Variants in STAT3 observed in about 807,000 individuals in gnomAD.
STAT3 encodes signal transducer and activator of transcription 3.
A neutral mutation model predicts 114.3 loss-of-function variants in STAT3; 7 were observed. The observed-to-expected ratio is 0.06, with a 90% CI of 0.03 to 0.11. The LOEUF is 0.11. Ranked by LOEUF, STAT3 falls within the 10% of genes least tolerant of loss-of-function variation. STAT3 has a pLI of 1.00. For synonymous variants in STAT3, 331 were observed against 354.5 expected, an observed-to-expected ratio of 0.93 and a Z score of 0.74; for missense variants, 364 against 960.9, an observed-to-expected ratio of 0.38 and a Z score of 8.21.
At chr17:42,316,646 T>A in intron 23 of STAT3, 143 bp downstream of exon 23, 1 of 1,539,586 alleles carries the variant, frequency 6.5e-7, no homozygotes, top group East Asian at 2.4e-5. Flanking sequence ...ACATGTGGCA[T>A]TCATACCATC....
At chr17:42,360,162 G>A (rs192802780) in intron 1 of STAT3, among the ~76,000 whole-genome samples, 1 of 151,372 alleles carries the variant, frequency 6.6e-6, no homozygotes, top group African/African-American at 2.4e-5. Flanking sequence ...GTCTGTTTTC[G>A]GAATGTCTGT....
rs1166702052 is a variant in STAT3, at chr17:42,331,546, A to T, written c.1050-15T>A. The stretch of plus-strand genomic sequence containing the variant: ...TGACCAGCAACCTATTTAAAAAGAA[A>T]AAATCCAAGGAAAAAAAGTCAGTAA... On this transcript the variant is annotated splice_polypyrimidine_tract_variant and intron_variant, in intron 10 of 23. Transcript: ENST00000264657. 1.9e-6 allele frequency: 3 copies of T among 1,611,664 alleles called. No individual in the cohort carries two copies. Among genetic ancestry groups the T allele is most frequent in the Non-Finnish European group, 2.5e-6 (3 of 1,178,108 alleles).
chr17:42,368,740 T>A (rs560808853), intron 1 of STAT3, among the ~76,000 whole-genome samples: 1 of 152,124 alleles, frequency 6.6e-6, no homozygotes, highest in African/African-American at 2.4e-5. Context: ...GCCTTTTTTT[T>A]TTTTTTTAAC....
chr17:42,375,943 G>A (rs1166482949), intron 1 of STAT3, among the ~76,000 whole-genome samples: 1 of 152,040 alleles, frequency 6.6e-6, no homozygotes, highest in Non-Finnish European at 1.5e-5. Flanking sequence ...ATGAGGTCAG[G>A]AGTTCAAGAT....
At chr17:42,345,717 A>C (rs1245035421) in intron 3 of STAT3, 60 bp from the exon 4 acceptor site, 3 of 1,431,284 alleles carry the variant, frequency 2.1e-6, no homozygotes, top group Non-Finnish European at 2.9e-6. Flanking sequence ...TGTGGACTGA[A>C]CTGTGGCACC....
chr17:42,364,876 T>C (rs2083694598), intron 1 of STAT3, among the ~76,000 whole-genome samples: 1 of 152,222 alleles, frequency 6.6e-6, no homozygotes, highest in Non-Finnish European at 1.5e-5. Context: ...GATTCTTTTC[T>C]CAAATTTATT....
chr17:42,353,501 C>G (rs1366902829), intron 1 of STAT3, among the ~76,000 whole-genome samples: 1 of 151,730 alleles, frequency 6.6e-6, no homozygotes, highest in Non-Finnish European at 1.5e-5. Flanking sequence ...CGGTGGTTCT[C>G]CTAAAAAAAA....
intron 1 of STAT3, among the ~76,000 whole-genome samples, chr17:42,349,955 T>A (rs916786485): frequency 4.6e-5 from 7 of 151,918 alleles, no homozygotes; most frequent in Non-Finnish European, 8.8e-5. Flanking sequence ...ACTCAAGAGG[T>A]TGAGGCAGGA....
rs1281630344 is a variant in STAT3 at position 42,333,748 on chromosome 17, C to T, written c.974G>A (p.Arg325Gln). Residue 325 changes from arginine (R) to glutamine (Q), a missense_variant, in exon 10 of 24, where the codon CGG becomes CAG. By Grantham distance (43) the Arg-to-Gln change is conservative. Transcript: ENST00000264657. This position sits in a 1 kb window ranked among gnomAD's most constrained non-coding sequence, Gnocchi z 5.2. ...AGGATGCATGGGCATGCAGGGCTGC[C>T]GCTCCACCACAAAGGCACTGAGGAA... ...NLMKSAFVVE[R>Q]QPCMPMHPDR... is the part of the protein sequence containing the mutation. 6.2e-7 allele frequency: 1 copy of T among 1,614,158 alleles called. No homozygotes were observed. The highest frequency in any genetic ancestry group is 8.5e-7 in the Non-Finnish European group (1 of 1,180,042).
At chr17:42,342,781 C>A (rs1329644836) in intron 4 of STAT3, among the ~76,000 whole-genome samples, 1 of 152,060 alleles carries the variant, frequency 6.6e-6, no homozygotes, top group Non-Finnish European at 1.5e-5. Context: ...TCCAGGGCCC[C>A]ACTGTTAGGC....
At chr17:42,328,838 T>C (rs1236868446) in intron 14 of STAT3, among the ~76,000 whole-genome samples, 1 of 152,220 alleles carries the variant, frequency 6.6e-6, no homozygotes, top group African/African-American at 2.4e-5. Flanking sequence ...GTTTAAAGTT[T>C]ATTCTTGACA....
At chr17:42,359,706 A>G (rs2083413352) in intron 1 of STAT3, among the ~76,000 whole-genome samples, 3 of 152,176 alleles carry the variant, frequency 2.0e-5, no homozygotes, top group African/African-American at 7.2e-5. Flanking sequence ...AATTGTAACA[A>G]CCCTATCAGA....
chr17:42,323,329 G>C lies in STAT3; in HGVS notation c.1679C>G (p.Ser560Cys). ...CKENMAGKGF[S>C]FWVWLDNIID... ...GATATTGTCCAGCCAGACCCAGAAG[G>C]AGAAGCCCTTGCCAGCCATGTTTTC... The change falls in exon 19 of 24, where the codon TCC becomes TGC. Residue 560 changes from serine to cysteine, a missense_variant. Ser to Cys is a moderately radical substitution (Grantham distance 112, BLOSUM62 -1). Around this residue, in one of 5 missense-constraint regions of STAT3, gnomAD observed 294 missense variants for 745.1 expected, o/e 0.39. Coordinates refer to ENST00000264657, the MANE Select transcript of STAT3 (RefSeq NM_139276.3). 1 of 1,614,166 alleles carries C rather than the reference G, an allele frequency of 6.2e-7. No individual in the cohort carries two copies. Among genetic ancestry groups the C allele is most frequent in the Non-Finnish European group, 8.5e-7 (1 of 1,180,024 alleles).
intron 1 of STAT3, among the ~76,000 whole-genome samples, chr17:42,353,365 A>C (rs1473928910): frequency 6.9e-6 from 1 of 144,114 alleles, no homozygotes; most frequent in Non-Finnish European, 1.5e-5. Flanking sequence ...AAAAAAAGAA[A>C]GAAAGAAAGA....
chr17:42,344,188 C>T (rs918286333), intron 4 of STAT3, among the ~76,000 whole-genome samples: 14 of 150,274 alleles, frequency 9.3e-5, no homozygotes, highest in Non-Finnish European at 1.6e-4. Flanking sequence ...TTTGGGAGGC[C>T]GAGGCGGGCG....
intron 1 of STAT3, among the ~76,000 whole-genome samples, chr17:42,363,028 T>C (rs1033230211): frequency 6.6e-6 from 1 of 151,936 alleles, no homozygotes; most frequent in African/African-American, 2.4e-5. Flanking sequence ...ACAAGAAGAG[T>C]CTTGGCTTTT....
At chr17:42,357,902 T>C (rs1244318646) in intron 1 of STAT3, among the ~76,000 whole-genome samples, 1 of 152,198 alleles carries the variant, frequency 6.6e-6, no homozygotes, top group Non-Finnish European at 1.5e-5. Context: ...GAAGTCTATA[T>C]ATAAATCTAG....
chr17:42,370,349 G>A (rs948042231), intron 1 of STAT3, among the ~76,000 whole-genome samples: 7 of 147,894 alleles, frequency 4.7e-5, no homozygotes, highest in South Asian at 4.3e-4. Context: ...AGGTTCAAGC[G>A]ATTCTCCTGC....
At chr17:42,369,125 C>T (rs755471595) in intron 1 of STAT3, among the ~76,000 whole-genome samples, 55 of 152,030 alleles carry the variant, frequency 3.6e-4, no homozygotes, top group Non-Finnish European at 4.6e-4. Context: ...TTTGGGAGGC[C>T]GAGGTGGGAG....
Sources: allele counts gnomAD v4.1 joint callset (sites outside exome capture counted in the v4.1 genomes callset), GRCh38; gene constraint gnomAD v4.1.1; regional missense constraint gnomAD v4.1.1; non-coding constraint Gnocchi (gnomAD v3.1); transcripts MANE v1.5; gene names NCBI Gene and HGNC (gene_info 2026-07-23, HGNC 2026-07-21).